MCM2: variants seen among roughly 807,000 people sequenced by gnomAD.
MCM2 encodes minichromosome maintenance complex component 2.
A neutral mutation model predicts 86.4 loss-of-function variants in MCM2; 49 were observed. That is an observed-to-expected ratio of 0.57 (90% CI 0.45 to 0.72). The LOEUF (loss-of-function observed/expected upper bound fraction) is 0.72, where lower values mean the gene tolerates loss of function less well. MCM2 is among the 30% of genes least tolerant of loss of function. The pLI is 0.00. For synonymous variants in MCM2, 475 were observed against 484.6 expected (o/e 0.98, Z 0.26); for missense variants, 1,038 against 1,259.9 (o/e 0.82, Z 2.67).
chr3:127,610,944 T>A, intron 8 of MCM2: 1 of 456,632 alleles, frequency 2.2e-6, no homozygotes, highest in South Asian at 1.5e-5. Flanking sequence ...CACACATTGG[T>A]TCCTGGAAGA....
chr3:127,611,503 A>G (rs933108856), intron 8 of MCM2, among the ~76,000 whole-genome samples: 8 of 151,984 alleles, frequency 5.3e-5, no homozygotes, highest in African/African-American at 1.7e-4. Context: ...GTGCTTCTGG[A>G]GCCCCAGGTT....
intron 2 of MCM2, among the ~76,000 whole-genome samples, chr3:127,600,987 C>T (rs2074303440): frequency 6.6e-6 from 1 of 152,112 alleles, no homozygotes; most frequent in African/African-American, 2.4e-5. Context: ...GCAGCCTTCA[C>T]CACAATCCAG....
At position 127,619,298 on chromosome 3, in the gene MCM2, C is replaced by T. The variant is rs759424031; in HGVS notation, c.2265+20C>T. The T allele has an allele frequency of 6.2e-6, 10 of 1,607,056 alleles. No homozygotes were observed. The highest frequency in any genetic ancestry group is 1.1e-5 in the South Asian group (1 of 90,710). On this transcript the variant is annotated intron_variant, in intron 13 of 15. Coordinates refer to ENST00000265056, the MANE Select transcript of MCM2 (RefSeq NM_004526.4). The stretch of plus-strand genomic sequence containing the variant: ...TCTATGGTGAGAGCCCAGGCAGAGC[C>T]GGGAGGTGCTATGCAGAGAAGGAAG...
intron 9 of MCM2, 37 bp from the exon 10 acceptor site, chr3:127,616,831 A>ACTCTCCCC: frequency 1.9e-6 from 3 of 1,595,220 alleles, no homozygotes; most frequent in Non-Finnish European, 2.6e-6. Flanking sequence ...CTCACTTCCC[A>ACTCTCCCC]CTCTCCCCCT....
rs1284488754 is a variant in MCM2 at position 127,606,289 on chromosome 3, A to G, written c.845A>G (p.His282Arg). The G allele has an allele frequency of 6.2e-6, 10 of 1,614,130 alleles. No homozygotes were observed. Among genetic ancestry groups the G allele is most frequent in the African/African-American group, 1.3e-5 (1 of 74,936 alleles). Reference sequence around the variant, plus strand: ...TACGACCGCATCACCAACCACATCCATGTCCGCATCTCCCACCTGCCTCTG... The same window carrying G: ...TACGACCGCATCACCAACCACATCCGTGTCCGCATCTCCCACCTGCCTCTG... ...PKYDRITNHI[H>R]VRISHLPLVE... Residue 282 changes from histidine to arginine, a missense_variant, in exon 5 of 16, where the codon CAT (histidine) becomes CGT (arginine). His to Arg is a conservative substitution (Grantham distance 29). Coordinates refer to ENST00000265056, the MANE Select transcript of MCM2 (RefSeq NM_004526.4). The surrounding 1 kb of genome is among the most constrained non-coding windows in gnomAD (Gnocchi z 4.2).
rs771064742 is a variant in MCM2 at position 127,616,989 on chromosome 3, C to T, written c.1644C>T (p.Gly548=). 2 of 1,614,200 alleles carry T rather than the reference C, an allele frequency of 1.2e-6. No homozygotes were observed. The highest frequency in any genetic ancestry group is 1.7e-6 in the Non-Finnish European group (2 of 1,180,048). The change falls in exon 10 of 16, where the codon GGC becomes GGT. Residue 548 remains glycine (G), a synonymous_variant. Transcript: ENST00000265056. ...KVSSRAIFTT[G]QGASAVGLTA... ...CCAGCCGAGCCATCTTCACCACTGG[C>T]CAGGGGGCGTCGGCTGTGGGCCTCA...
In MCM2 at chr3:127,608,389, A is replaced by G. The variant is rs749264559; in HGVS notation, c.1109A>G (p.Tyr370Cys). 16 of 1,614,094 alleles carry G rather than the reference A, an allele frequency of 9.9e-6. No individual in the cohort carries two copies. The highest frequency in any genetic ancestry group is 1.6e-4 in the Middle Eastern group (1 of 6,084). ...TCTGTGTGTCCCTCGCAGACCATCT[A>G]TCAGAACTACCAGCGTATCCGAATC... ...PFEVNMEETI[Y>C]QNYQRIRIQE... is the part of the protein sequence containing the mutation. The change falls in exon 7 of 16, where the codon TAT (tyrosine) becomes TGT (cysteine). Residue 370 changes from tyrosine (Y) to cysteine (C), a missense_variant. Around this residue, in one of 4 missense-constraint regions of MCM2, gnomAD observed 399 missense variants for 507.2 expected, o/e 0.79. Coordinates refer to ENST00000265056, the MANE Select transcript of MCM2 (RefSeq NM_004526.4).
chr3:127,603,318 T>A (rs72965744), intron 2 of MCM2, among the ~76,000 whole-genome samples: 3 of 151,846 alleles, frequency 2.0e-5, no homozygotes, highest in Non-Finnish European at 2.9e-5. Context: ...CATCTTAACC[T>A]TTTTTGTTTG....
At chr3:127,610,983 A>G (rs1239526871) in intron 8 of MCM2, 7 of 456,426 alleles carry the variant, frequency 1.5e-5, no homozygotes, top group Non-Finnish European at 3.1e-5. Flanking sequence ...TAGGGATACA[A>G]TGGTGAGTAA....
chr3:127,620,556 C>T (rs780124958), intron 13 of MCM2, 142 bp from the exon 14 acceptor site: 3 of 778,134 alleles, frequency 3.9e-6, no homozygotes, highest in Admixed American at 5.7e-5. Flanking sequence ...ATTCACTGGG[C>T]AGCGCAGTCA....
chr3:127,612,156 T>C lies in MCM2; in HGVS notation c.1428+3133T>C, dbSNP rs17497048. Reference sequence around the variant, plus strand: ...TGGTAACGCTGACGGAGCTGAGGCATAGCTGCCCTTGCAGGTAGGGCCTGT... The same window carrying C: ...TGGTAACGCTGACGGAGCTGAGGCACAGCTGCCCTTGCAGGTAGGGCCTGT... On this transcript the variant is annotated intron_variant, in intron 8 of 15. Coordinates refer to ENST00000265056, the MANE Select transcript of MCM2 (RefSeq NM_004526.4). Among the ~76,000 whole-genome samples, 28 of 152,350 alleles carry C rather than the reference T, an allele frequency of 1.8e-4. No individual in the cohort carries two copies. The East Asian group carries it at 5.2e-3, about 28-fold the overall frequency.
Position 127,622,216 on chromosome 3 carries a change from C to T in MCM2, c.*443C>T, listed in dbSNP as rs1254611838. On this transcript the variant is annotated 3_prime_UTR_variant, in exon 16 of 16. Coordinates refer to ENST00000265056, the MANE Select transcript of MCM2 (RefSeq NM_004526.4). Reference sequence around the variant, plus strand: ...AGATGTTTGTAATCGTTTTCAGTCTCCTGCAGGTTTCTGTGCCCCTGTGGT... The same window carrying T: ...AGATGTTTGTAATCGTTTTCAGTCTTCTGCAGGTTTCTGTGCCCCTGTGGT... The T allele has an allele frequency of 6.3e-6, 1 of 159,080 alleles. No homozygotes were observed. The highest frequency in any genetic ancestry group is 1.4e-5 in the Non-Finnish European group (1 of 72,962). 9.9% of individuals were successfully genotyped at this position (159,080 alleles called of 1,614,324 possible).
rs1284363711 is a variant in MCM2 at position 127,605,146 on chromosome 3, CAT to C, written c.664_665del (p.Met222ValfsTer6). Reference protein sequence around the residue: ...HNVFKERISDMCKENRESLVV... With the variant: ...HNVFKERISDXCKENRESLVV... Reference sequence around the variant, plus strand: ...ACGTCTTCAAGGAGCGCATCAGCGACATGTGCAAAGGTGTGGCTTCCCTACGC... The same window carrying C: ...ACGTCTTCAAGGAGCGCATCAGCGACGTGCAAAGGTGTGGCTTCCCTACGC... On this transcript the variant is annotated frameshift_variant, in exon 4 of 16. Transcript: ENST00000265056. LOFTEE classifies it high-confidence loss of function. 16 of 1,613,878 alleles carry C rather than the reference CAT, an allele frequency of 9.9e-6. No homozygotes were observed. The highest frequency in any genetic ancestry group is 1.3e-5 in the African/African-American group (1 of 74,928).
intron 8 of MCM2, among the ~76,000 whole-genome samples, chr3:127,609,778 C>G (rs1052784989): frequency 1.3e-5 from 2 of 150,320 alleles, no homozygotes; most frequent in African/African-American, 4.9e-5. Flanking sequence ...ACCGTGTGTT[C>G]TCAAGCTCGC....
At position 127,622,021 on chromosome 3, in the gene MCM2, G is replaced by A. The variant is rs928985355; in HGVS notation, c.*248G>A. On this transcript the variant is annotated 3_prime_UTR_variant, in exon 16 of 16. Transcript: ENST00000265056. ...GGTTGCTGAACATCTTGCCACCTCC[G>A]AGTGCTTTGTCTCCACTCAGTACCT... 27 of 440,612 alleles carry A rather than the reference G, an allele frequency of 6.1e-5. No individual in the cohort carries two copies. The highest frequency in any genetic ancestry group is 2.0e-4 in the South Asian group (8 of 39,180). The allele number at this position is 440,612 out of a possible 1,614,324, so 27.3% of individuals were successfully genotyped here.
Position 127,606,522 on chromosome 3 carries a change from A to C in MCM2, c.894-88A>C. 7.3e-7 allele frequency: 1 copy of C among 1,371,790 alleles called. No homozygotes were observed. The highest frequency in any genetic ancestry group is 1.8e-5 in the Admixed American group (1 of 55,558). The allele number at this position is 1,371,790 out of a possible 1,614,324, so 85.0% of individuals were successfully genotyped here. A position where few individuals can be genotyped will look rare whatever the true frequency, so the allele number is the denominator to read the frequency against. The stretch of plus-strand genomic sequence containing the variant: ...CTTCCCGGGCTGGGGGCTGGGCCCA[A>C]TTTCCAGGACAGTGTGTTGGGACAC... On this transcript the variant is annotated intron_variant, in intron 5 of 15. Coordinates refer to ENST00000265056, the MANE Select transcript of MCM2 (RefSeq NM_004526.4). This position sits in a 1 kb window ranked among gnomAD's most constrained non-coding sequence, Gnocchi z 4.2.
intron 2 of MCM2, among the ~76,000 whole-genome samples, chr3:127,602,640 A>G (rs2074313850): frequency 6.6e-6 from 1 of 152,154 alleles, no homozygotes; most frequent in Non-Finnish European, 1.5e-5. Flanking sequence ...AGTGCTTTGC[A>G]CTCGCTGGGT....
Position 127,608,439 on chromosome 3 carries a change from G to A in MCM2, c.1159G>A (p.Ala387Thr). 1.2e-6 allele frequency: 2 copies of A among 1,614,216 alleles called. No homozygotes were observed. Among genetic ancestry groups the A allele is most frequent in the Non-Finnish European group, 8.5e-7 (1 of 1,180,046 alleles). ...RIQESPGKVA[A>T]GRLPRSKDAI... ...CCAGGAGAGTCCAGGCAAAGTGGCG[G>A]CTGGCCGGCTGCCCCGCTCCAAGGA... The change falls in exon 7 of 16, where the codon GCT becomes ACT. Residue 387 changes from alanine to threonine, a missense_variant. Ala to Thr is a moderately conservative substitution (Grantham distance 58, BLOSUM62 0). Coordinates refer to ENST00000265056, the MANE Select transcript of MCM2 (RefSeq NM_004526.4).
At chr3:127,599,287 A>G (rs2074286195) in intron 1 of MCM2, 31 bp from the exon 2 acceptor site, 5 of 1,597,774 alleles carry the variant, frequency 3.1e-6, no homozygotes, top group Non-Finnish European at 3.4e-6. Flanking sequence ...CCAGCTTCCT[A>G]GGTTTCTGAC....
Sources: gnomAD v4.1 joint callset for allele counts (sites outside exome capture counted in the v4.1 genomes callset) on GRCh38, gnomAD v4.1.1 for gene constraint, gnomAD v4.1.1 regional missense constraint, Gnocchi (gnomAD v3.1) non-coding constraint, MANE v1.5 for transcripts, NCBI Gene and HGNC (gene_info 2026-07-23, HGNC 2026-07-21) for gene names.